Variants in TUBB8B observed in about 807,000 individuals in gnomAD.
TUBB8B encodes the protein tubulin beta 8B.
Under a neutral mutation model 31.9 loss-of-function variants are expected in TUBB8B, and 26 were observed. That is an observed-to-expected ratio of 0.81 (90% CI 0.60 to 1.13). TUBB8B has a LOEUF of 1.13. Among genes scored for constraint, TUBB8B ranks in the 50% most tolerant of loss-of-function variants. TUBB8B has a pLI of 0.00. For synonymous variants in TUBB8B, 173 were observed against 231.0 expected, an observed-to-expected ratio of 0.75 and a Z score of 2.28; for missense variants, 467 against 586.7, an observed-to-expected ratio of 0.80 and a Z score of 2.11.
chr18:58,325 C>CA, the TUBB8B span, among the ~76,000 whole-genome samples: 1 of 151,470 alleles, frequency 6.6e-6, no homozygotes, highest in Non-Finnish European at 1.5e-5. Flanking sequence ...TTACAACTTA[C>CA]TTTTTTTTGC....
upstream of TUBB8B, chr18:49,626 G>A (rs534677792): frequency 2.3e-5 from 17 of 744,982 alleles, no homozygotes; most frequent in African/African-American, 6.9e-5. Context: ...GACCCAGCCC[G>A]CCCTCCGCTA....
At chr18:72,992 G>C in the TUBB8B span, among the ~76,000 whole-genome samples, 1 of 152,186 alleles carries the variant, frequency 6.6e-6, no homozygotes, top group South Asian at 2.1e-4. Flanking sequence ...AACAAAAAAT[G>C]AGCACTGATC....
upstream of TUBB8B, among the ~76,000 whole-genome samples, chr18:54,318 T>C (rs1293163336): frequency 2.0e-5 from 3 of 151,824 alleles, no homozygotes; most frequent in East Asian, 3.9e-4. Context: ...TACAGGCATG[T>C]AACGAGTAAT....
At chr18:59,283 C>T in the TUBB8B span, among the ~76,000 whole-genome samples, 1 of 151,646 alleles carries the variant, frequency 6.6e-6, no homozygotes, top group African/African-American at 2.4e-5. Context: ...TCTGATTGCT[C>T]CAGATAGGAA....
the TUBB8B span, among the ~76,000 whole-genome samples, chr18:65,958 G>A: frequency 6.6e-6 from 1 of 152,140 alleles, no homozygotes; most frequent in African/African-American, 2.4e-5. Context: ...ACGGGGGGTG[G>A]TGGCTTACAC....
At chr18:63,880 GCCCTAA>G in the TUBB8B span, among the ~76,000 whole-genome samples, 421 of 74,260 alleles carry the variant, frequency 5.7e-3, 3 homozygotes, top group Admixed American at 0.013. Context: ...CCCAACCCTA[GCCCTAA>G]CCCTAACCCT....
the TUBB8B span, among the ~76,000 whole-genome samples, chr18:69,047 T>G: frequency 6.6e-6 from 1 of 152,238 alleles, no homozygotes; most frequent in Non-Finnish European, 1.5e-5. Context: ...AATTATTTCT[T>G]GGATAATCTG....
the TUBB8B span, among the ~76,000 whole-genome samples, chr18:59,854 A>G: frequency 6.6e-6 from 1 of 151,666 alleles, no homozygotes; most frequent in African/African-American, 2.4e-5. Context: ...CCTTCATTCT[A>G]TTTATATGAT....
At chr18:51,615 C>G (rs536906201), upstream of TUBB8B, among the ~76,000 whole-genome samples, 2 of 151,916 alleles carry the variant, frequency 1.3e-5, no homozygotes, top group African/African-American at 4.8e-5. Context: ...AATTTTTGTA[C>G]TTTTAGTATA....
the TUBB8B span, among the ~76,000 whole-genome samples, chr18:64,563 TAA>T: frequency 1.4e-4 from 20 of 144,282 alleles, no homozygotes; most frequent in African/African-American, 4.8e-4. Context: ...CATCTCCACT[TAA>T]AAAAAAAAAA....
At chr18:51,127 A>AT (rs1486219830), upstream of TUBB8B, among the ~76,000 whole-genome samples, 1 of 142,012 alleles carries the variant, frequency 7.0e-6, no homozygotes, top group South Asian at 2.2e-4. Flanking sequence ...TGCCTTGATT[A>AT]TCTTGTGCTA....
upstream of TUBB8B, among the ~76,000 whole-genome samples, chr18:52,600 C>A (rs562949476): frequency 2.0e-5 from 3 of 151,832 alleles, 1 homozygote; most frequent in Admixed American, 2.0e-4. Flanking sequence ...AGCCCACTTG[C>A]CAGCTGATTG....
At chr18:69,763 G>A in the TUBB8B span, among the ~76,000 whole-genome samples, 1 of 152,176 alleles carries the variant, frequency 6.6e-6, no homozygotes, top group Admixed American at 6.5e-5. Context: ...AAACTAAGAA[G>A]TATATTTTTA....
At chr18:59,557 T>C in the TUBB8B span, among the ~76,000 whole-genome samples, 1 of 150,716 alleles carries the variant, frequency 6.6e-6, no homozygotes, top group Admixed American at 6.6e-5. Flanking sequence ...TTTTTTTTTT[T>C]TTTTGAGATG....
At chr18:63,137 T>G in the TUBB8B span, among the ~76,000 whole-genome samples, 14 of 151,908 alleles carry the variant, frequency 9.2e-5, no homozygotes, top group Admixed American at 3.9e-4. Flanking sequence ...CCCTGGTGCC[T>G]TATTTAGCTT....
At chr18:53,090 T>C (rs1291799193), upstream of TUBB8B, among the ~76,000 whole-genome samples, 2 of 151,800 alleles carry the variant, frequency 1.3e-5, no homozygotes, top group African/African-American at 4.8e-5. Flanking sequence ...GCAGTTGTAA[T>C]TTGTGGCCAG....
In TUBB8B at chr18:47,632, C is replaced by T. The variant is rs77835015; in HGVS notation, c.1093G>A (p.Ala365Thr). 843 of 1,612,658 alleles carry T rather than the reference C, an allele frequency of 5.2e-4. 4 individuals carry two copies. The African/African-American group carries it at 0.01, about 20-fold the overall frequency. Residue 365 changes from alanine to threonine, a missense_variant, in exon 4 of 4, where the codon GCC (alanine) becomes ACC (threonine). By Grantham distance (58) the Ala-to-Thr change is moderately conservative (BLOSUM62 0). Coordinates refer to ENST00000308911, the MANE Select transcript of TUBB8B (RefSeq NM_001358689.2). The part of the protein sequence containing the change: ...DIPPRGLKMS[A>T]TFIGNNAAIQ... ...GCCGCATTATTCCCAATGAAGGTGG[C>T]TGACATTTTTAGCCCCCGGGGTGGG...
At position 48,346 on chromosome 18, in the gene TUBB8B, A is replaced by C. The variant is rs1259950244; in HGVS notation, c.379T>G (p.Cys127Gly). 10 of 1,610,584 alleles carry C rather than the reference A, an allele frequency of 6.2e-6. No homozygotes were observed. The highest frequency in any genetic ancestry group is 8.5e-6 in the Non-Finnish European group (10 of 1,177,084). Residue 127 changes from cysteine (C) to glycine (G), a missense_variant, in exon 4 of 4, where the codon TGT becomes GGT. Physicochemically the swap from Cys to Gly is radical, Grantham distance 159. Around this residue, in one of 2 missense-constraint regions of TUBB8B, gnomAD observed 259 missense variants for 380.1 expected, o/e 0.68. Transcript: ENST00000308911. ...AGCTGGAAACCCTGCAGGCAGTCAC[A>C]GCTCTCAGCCTCCTTTCTGACAACG... ...MDVVRKEAES[C>G]DCLQGFQLTH...
At chr18:67,523 G>C in the TUBB8B span, among the ~76,000 whole-genome samples, 8 of 152,146 alleles carry the variant, frequency 5.3e-5, no homozygotes, top group South Asian at 1.4e-3. Flanking sequence ...TAATATTTTT[G>C]TAGGGACGGT....
Sources: allele counts gnomAD v4.1 joint callset (sites outside exome capture counted in the v4.1 genomes callset), GRCh38; gene constraint gnomAD v4.1.1; regional missense constraint gnomAD v4.1.1; transcripts MANE v1.5; gene names NCBI Gene and HGNC (gene_info 2026-07-23, HGNC 2026-07-21).